Variants in CRPPA observed in about 807,000 individuals in gnomAD.
The protein encoded by CRPPA is D-ribitol-5-phosphate cytidylyltransferase.
In CRPPA, 43 loss-of-function variants were observed where a neutral mutation model predicts 52.0. The observed-to-expected ratio is 0.83, with a 90% CI of 0.65 to 1.07. CRPPA has a LOEUF of 1.07. Ranked by LOEUF, CRPPA falls within the 50% of genes least tolerant of loss-of-function variation. CRPPA has a pLI of 0.00. For synonymous variants in CRPPA, 250 were observed against 203.5 expected, an observed-to-expected ratio of 1.23 and a Z score of -1.94; for missense variants, 629 against 551.7, an observed-to-expected ratio of 1.14 and a Z score of -1.40.
At chr7:16,165,756 T>C (rs1195102161) in intron 9 of CRPPA, among the ~76,000 whole-genome samples, 1 of 152,232 alleles carries the variant, frequency 6.6e-6, no homozygotes, top group East Asian at 1.9e-4. Flanking sequence ...AGTTACACTG[T>C]TATAAAAATT....
intron 1 of CRPPA, among the ~76,000 whole-genome samples, chr7:16,407,174 C>T (rs999311452): frequency 6.6e-6 from 1 of 152,108 alleles, no homozygotes; most frequent in African/African-American, 2.4e-5. Flanking sequence ...GATAGGGTTT[C>T]ATGATGTTGC....
At chr7:16,169,235 G>C (rs1303080169) in intron 9 of CRPPA, among the ~76,000 whole-genome samples, 2 of 152,082 alleles carry the variant, frequency 1.3e-5, no homozygotes, top group African/African-American at 4.8e-5. Flanking sequence ...AATTAAAAGG[G>C]AAGAAAATAT....
intron 8 of CRPPA, among the ~76,000 whole-genome samples, chr7:16,242,406 C>A (rs890545299): frequency 2.0e-5 from 3 of 152,124 alleles, no homozygotes; most frequent in Admixed American, 2.0e-4. Context: ...AAACAGAGAA[C>A]TGGATATGTC....
chr7:16,163,532 T>C (rs907342054), intron 9 of CRPPA, among the ~76,000 whole-genome samples: 1 of 152,212 alleles, frequency 6.6e-6, no homozygotes, highest in Admixed American at 6.5e-5. Flanking sequence ...GTTAATATTG[T>C]TATGTGTGAA....
chr7:16,406,018 C>T lies in CRPPA; in HGVS notation c.534+43G>A, dbSNP rs1026963463. ...AAAATTCAGCAAATGAACCACACTA[C>T]AGTGCTTGTCCCTTCTATCTAGACT... is the stretch of plus-strand genomic sequence containing the variant. On this transcript the variant is annotated intron_variant, in intron 2 of 9. Coordinates refer to ENST00000407010, the MANE Select transcript of CRPPA (RefSeq NM_001101426.4). The T allele has an allele frequency of 3.2e-6, 5 of 1,573,238 alleles. No individual in the cohort carries two copies. The East Asian group carries it at 1.1e-4, about 36-fold the overall frequency.
Position 16,208,149 on chromosome 7 carries a change from C to A in CRPPA, c.1251+7917G>T, listed in dbSNP as rs192188033. 4.6e-5 allele frequency among the ~76,000 whole-genome samples: 7 copies of A among 152,172 alleles called. No homozygotes were observed. The East Asian group carries it at 1.2e-3, about 25-fold the overall frequency. ...CAAAATAATATAGCCTACCTATGCA[C>A]CCCCATTAATATGATGCTTTAATTA... On this transcript the variant is annotated intron_variant, in intron 9 of 9. Coordinates refer to ENST00000407010, the MANE Select transcript of CRPPA (RefSeq NM_001101426.4).
At chr7:16,350,185 CA>C (rs1389400876) in intron 3 of CRPPA, among the ~76,000 whole-genome samples, 1 of 151,898 alleles carries the variant, frequency 6.6e-6, no homozygotes, top group Non-Finnish European at 1.5e-5. Context: ...GTAATAAAGA[CA>C]TTGTCATACA....
chr7:16,206,540 T>G lies in CRPPA; in HGVS notation c.1251+9526A>C, dbSNP rs151168168. The stretch of plus-strand genomic sequence containing the variant: ...TTATTTTTATTGTGACTTAGAAAGT[T>G]TTGAGCCATAAGTACAAATTCTGAA... On this transcript the variant is annotated intron_variant, in intron 9 of 9. Transcript: ENST00000407010. Among the ~76,000 whole-genome samples, 17 of 152,126 alleles carry G rather than the reference T, an allele frequency of 1.1e-4. No homozygotes were observed. In the East Asian group the frequency reaches 3.3e-3, roughly 30 times the overall value.
At chr7:16,399,104 G>A (rs947882786) in intron 2 of CRPPA, among the ~76,000 whole-genome samples, 5 of 152,156 alleles carry the variant, frequency 3.3e-5, no homozygotes, top group African/African-American at 9.7e-5. Flanking sequence ...AGACGTGATC[G>A]TCATTTTGGG....
rs1191565674 is a variant in CRPPA, at chr7:16,188,150, A to AT, written c.1251+27915dup. Among the ~76,000 whole-genome samples the AT allele has an allele frequency of 2.0e-5, 3 of 149,510 alleles. No homozygotes were observed. In the Admixed American group the frequency reaches 2.0e-4, roughly 10 times the overall value. On this transcript the variant is annotated intron_variant, in intron 9 of 9. Transcript: ENST00000407010. ...CAAGCTCTGCCTCCTGGGTTCACTA[A>AT]TTTTTTTGTATTTTTAGTAGAGACG...
intron 8 of CRPPA, among the ~76,000 whole-genome samples, chr7:16,241,829 C>T (rs1285725811): frequency 6.6e-6 from 1 of 151,770 alleles, no homozygotes; most frequent in Non-Finnish European, 1.5e-5. Flanking sequence ...CTGAAATCTC[C>T]TTTATCACTG....
intron 3 of CRPPA, among the ~76,000 whole-genome samples, chr7:16,321,056 C>T (rs143189917): frequency 6.6e-6 from 1 of 152,146 alleles, no homozygotes; most frequent in African/African-American, 2.4e-5. Context: ...AAAAAATAAG[C>T]TTATCAGTTT....
At chr7:16,339,640 A>C (rs539508620) in intron 3 of CRPPA, among the ~76,000 whole-genome samples, 1 of 152,234 alleles carries the variant, frequency 6.6e-6, no homozygotes, top group Non-Finnish European at 1.5e-5. Flanking sequence ...GGAATAGGGC[A>C]AGGATTTCCC....
chr7:16,304,237 C>G (rs886524399), intron 4 of CRPPA, among the ~76,000 whole-genome samples: 1 of 152,026 alleles, frequency 6.6e-6, no homozygotes, highest in African/African-American at 2.4e-5. Context: ...ACTCCCAGAA[C>G]CAGTTCTGTA....
chr7:16,412,501 C>A (rs1788096487), intron 1 of CRPPA, among the ~76,000 whole-genome samples: 1 of 152,150 alleles, frequency 6.6e-6, no homozygotes. Context: ...GCTTATAAAG[C>A]TATTTTGGTC....
intron 2 of CRPPA, among the ~76,000 whole-genome samples, chr7:16,390,650 A>T (rs1008270263): frequency 6.6e-6 from 1 of 152,176 alleles, no homozygotes; most frequent in Non-Finnish European, 1.5e-5. Flanking sequence ...GTTAAATGGG[A>T]AAAAACTTAG....
chr7:16,349,018 G>T (rs118052978), intron 3 of CRPPA, among the ~76,000 whole-genome samples: 1 of 152,178 alleles, frequency 6.6e-6, no homozygotes, highest in African/African-American at 2.4e-5. Context: ...GTATCAGAGG[G>T]TGCAGCTTGA....
chr7:16,362,204 A>G (rs117499512), intron 3 of CRPPA, among the ~76,000 whole-genome samples: 42 of 152,344 alleles, frequency 2.8e-4, no homozygotes, highest in Non-Finnish European at 5.4e-4. Context: ...TCAGACCACT[A>G]TAACAAAATA....
chr7:16,108,701 G>A (rs557985893), intron 9 of CRPPA, among the ~76,000 whole-genome samples: 1 of 151,958 alleles, frequency 6.6e-6, no homozygotes, highest in East Asian at 1.9e-4. Flanking sequence ...GATCTCACAT[G>A]TTAGAGCACA....
Sources: gnomAD v4.1 joint callset for allele counts (sites outside exome capture counted in the v4.1 genomes callset) on GRCh38, gnomAD v4.1.1 for gene constraint, MANE v1.5 for transcripts, NCBI Gene and HGNC (gene_info 2026-07-23, HGNC 2026-07-21) for gene names.